Variants in SEPTIN10 observed in about 807,000 individuals in gnomAD.
SEPTIN10 encodes septin 10.
A neutral mutation model predicts 54.8 loss-of-function variants in SEPTIN10; 66 were observed. The ratio of observed to expected loss-of-function variants is 1.21; its 90% CI spans 0.99 to 1.48. SEPTIN10 has a LOEUF of 1.48. SEPTIN10 is among the 40% of genes most tolerant of loss of function. The pLI, the probability that SEPTIN10 is intolerant of heterozygous loss-of-function variation, is 0.00. For synonymous variants in SEPTIN10, 161 were observed against 181.0 expected, an observed-to-expected ratio of 0.89 and a Z score of 0.89; for missense variants, 620 against 545.6, an observed-to-expected ratio of 1.14 and a Z score of -1.36.
At chr2:109,590,029 C>CAT (rs1182853862) in intron 2 of SEPTIN10, among the ~76,000 whole-genome samples, 1 of 148,596 alleles carries the variant, frequency 6.7e-6, no homozygotes, top group Non-Finnish European at 1.5e-5. Context: ...TATACACACA[C>CAT]ATATATACAC....
chr2:109,582,393 C>G (rs1431613473), intron 4 of SEPTIN10, among the ~76,000 whole-genome samples: 1 of 152,168 alleles, frequency 6.6e-6, no homozygotes, highest in East Asian at 1.9e-4. Flanking sequence ...GATCACGGCT[C>G]ACTGCAGCTT....
rs527695457 is a variant in SEPTIN10, at chr2:109,585,850, T to C, written c.100-12A>G. 3.7e-6 allele frequency: 6 copies of C among 1,603,694 alleles called. No homozygotes were observed. The African/African-American group carries it at 5.4e-5, about 14-fold the overall frequency. Reference sequence around the variant, plus strand: ...ATGTTTTCTCTTTTCTGAAGGAAAATAAAAACAAAAACAACAGCAATAAAA... The same window carrying C: ...ATGTTTTCTCTTTTCTGAAGGAAAACAAAAACAAAAACAACAGCAATAAAA... On this transcript the variant is annotated splice_polypyrimidine_tract_variant and intron_variant, in intron 2 of 10. Coordinates refer to ENST00000397712, the MANE Select transcript of SEPTIN10 (RefSeq NM_144710.5).
chr2:109,577,801 T>C (rs190317580), intron 4 of SEPTIN10, among the ~76,000 whole-genome samples: 125 of 147,138 alleles, frequency 8.5e-4, no homozygotes, highest in African/African-American at 3.1e-3. Context: ...CAGTACCAGC[T>C]ACACAGGAGG....
chr2:109,610,625 A>G (rs1243321164), intron 1 of SEPTIN10, among the ~76,000 whole-genome samples: 1 of 152,122 alleles, frequency 6.6e-6, no homozygotes, highest in East Asian at 1.9e-4. Context: ...CTGGGGTAGG[A>G]GAATCGCTTG....
At chr2:109,554,528 C>T (rs1467397948) in intron 8 of SEPTIN10, among the ~76,000 whole-genome samples, 1 of 152,172 alleles carries the variant, frequency 6.6e-6, no homozygotes, top group Non-Finnish European at 1.5e-5. Context: ...CACCCCCACC[C>T]AACTCAGACT....
At chr2:109,593,142 TA>T in intron 1 of SEPTIN10, 23 bp from the exon 2 acceptor site, 2 of 1,547,294 alleles carry the variant, frequency 1.3e-6, no homozygotes, top group Admixed American at 1.9e-5. Context: ...TACAAAGGCT[TA>T]AAAGGAAACA....
chr2:109,553,731 G>A (rs1417413825), intron 8 of SEPTIN10, among the ~76,000 whole-genome samples: 2 of 151,828 alleles, frequency 1.3e-5, no homozygotes, highest in Non-Finnish European at 2.9e-5. Context: ...GCGTGCGCCT[G>A]TAGTCCCAGC....
chr2:109,552,420 T>G (rs982160538), intron 9 of SEPTIN10: 1 of 152,232 alleles, frequency 6.6e-6, no homozygotes, highest in African/African-American at 2.4e-5. Context: ...TTATAGCTCA[T>G]GGTTAAGATA....
chr2:109,590,198 G>A (rs1693697170), intron 2 of SEPTIN10, among the ~76,000 whole-genome samples: 1 of 151,884 alleles, frequency 6.6e-6, no homozygotes, highest in Non-Finnish European at 1.5e-5. Flanking sequence ...TAGACTTACA[G>A]GTTGGGGTGA....
chr2:109,585,643 T>C (rs1171872308), intron 3 of SEPTIN10, 78 bp downstream of exon 3: 1 of 953,784 alleles, frequency 1.0e-6, no homozygotes, highest in African/African-American at 1.6e-5. Flanking sequence ...ACATGAGCAT[T>C]GTTCTGCCCA....
Position 109,585,299 on chromosome 2 carries a change from T to C in SEPTIN10, c.240A>G (p.Ser80=). The C allele has an allele frequency of 2.5e-6, 4 of 1,603,404 alleles. No individual in the cohort carries two copies. The highest frequency in any genetic ancestry group is 1.7e-4 in the Middle Eastern group (1 of 6,020). The change falls in exon 4 of 11, where the codon TCA becomes TCG. Residue 80 remains serine (S), a synonymous_variant. Transcript: ENST00000397712. ...LCVGETGIGK[S]TLIDTLFNTN... ...TATTAAACAATGTGTCAATCAGTGT[T>C]GATTTTCCAATTCCAGTTTCCCCTG...
intron 2 of SEPTIN10, among the ~76,000 whole-genome samples, chr2:109,586,830 G>A (rs539242245): frequency 6.6e-6 from 1 of 152,318 alleles, no homozygotes; most frequent in South Asian, 2.1e-4. Context: ...AGAAAGCACA[G>A]CTGAAGCAGA....
intron 4 of SEPTIN10, among the ~76,000 whole-genome samples, chr2:109,580,226 C>A (rs1690775967): frequency 1.3e-5 from 2 of 151,100 alleles, no homozygotes; most frequent in South Asian, 2.1e-4. Flanking sequence ...AAAAAGAACA[C>A]TATATTATGA....
intron 5 of SEPTIN10, among the ~76,000 whole-genome samples, chr2:109,570,518 T>C (rs1482593364): frequency 7.2e-6 from 1 of 139,412 alleles, no homozygotes; most frequent in Non-Finnish European, 1.6e-5. Flanking sequence ...AGCATTTACA[T>C]TGTATCAGGT....
intron 9 of SEPTIN10, among the ~76,000 whole-genome samples, chr2:109,552,124 T>C (rs1425950438): frequency 6.6e-6 from 1 of 152,204 alleles, no homozygotes; most frequent in African/African-American, 2.4e-5. Context: ...TGAGGGATCT[T>C]GGTTGTGCGC....
chr2:109,559,540 C>T (rs1479953257), intron 8 of SEPTIN10, among the ~76,000 whole-genome samples: 1 of 152,186 alleles, frequency 6.6e-6, no homozygotes, highest in Non-Finnish European at 1.5e-5. Flanking sequence ...TGAAGAAATG[C>T]TCAGCAAATG....
chr2:109,608,482 T>G (rs926558189), intron 1 of SEPTIN10, among the ~76,000 whole-genome samples: 3 of 152,224 alleles, frequency 2.0e-5, no homozygotes, highest in Non-Finnish European at 4.4e-5. Flanking sequence ...AATAGCCACA[T>G]TTCTACCTTA....
At chr2:109,606,626 A>T (rs907669168) in intron 1 of SEPTIN10, among the ~76,000 whole-genome samples, 5 of 80,966 alleles carry the variant, frequency 6.2e-5, no homozygotes, top group African/African-American at 9.6e-5. Context: ...ATAATAGCTA[A>T]AAAGTTCCCT....
At chr2:109,550,670 G>T (rs765295164) in intron 9 of SEPTIN10, among the ~76,000 whole-genome samples, 6 of 152,168 alleles carry the variant, frequency 3.9e-5, no homozygotes, top group Non-Finnish European at 7.4e-5. Context: ...TGCTGAGCTA[G>T]CAGATGACTT....
Sources: allele counts gnomAD v4.1 joint callset (sites outside exome capture counted in the v4.1 genomes callset), GRCh38; gene constraint gnomAD v4.1.1; transcripts MANE v1.5; gene names NCBI Gene and HGNC (gene_info 2026-07-23, HGNC 2026-07-21).